Variants in GMPR observed in about 807,000 individuals in gnomAD.
The protein encoded by GMPR is GMP reductase 1.
A neutral mutation model predicts 38.4 loss-of-function variants in GMPR; 31 were observed. The ratio of observed to expected loss-of-function variants is 0.81; its 90% CI spans 0.61 to 1.09. The LOEUF (loss-of-function observed/expected upper bound fraction) is 1.09. Among genes scored for constraint, GMPR ranks in the 50% least tolerant of loss-of-function variants. The pLI, the probability that GMPR is intolerant of heterozygous loss-of-function variation, is 0.00. For missense variants in GMPR, 468 were observed against 453.7 expected, an observed-to-expected ratio of 1.03 and a Z score of -0.29; for synonymous variants, 162 against 173.3, an observed-to-expected ratio of 0.93 and a Z score of 0.51.
chr6:16,240,582 G>A (rs1456209758), intron 1 of GMPR, among the ~76,000 whole-genome samples: 2 of 152,252 alleles, frequency 1.3e-5, no homozygotes, highest in South Asian at 2.1e-4. Flanking sequence ...GTTACAGTGA[G>A]CTATGATGGT....
chr6:16,288,644 G>A (rs1213662486), intron 7 of GMPR, among the ~76,000 whole-genome samples: 3 of 152,372 alleles, frequency 2.0e-5, no homozygotes, highest in African/African-American at 4.8e-5. Flanking sequence ...GAGTGCAGGC[G>A]CAGGGCGTGG....
rs138730193 is a variant in GMPR, at chr6:16,250,064, C to T, written c.208-220C>T. Among the ~76,000 whole-genome samples, 269 of 152,304 alleles carry T rather than the reference C, an allele frequency of 1.8e-3. 5 individuals carry two copies. Among genetic ancestry groups the T allele is most frequent in the Admixed American group, 0.014 (221 of 15,296 alleles). Reference sequence around the variant, plus strand: ...GGCAGAGCCTCCCTAGTCCTGAATGCGGTATTGTCTAACCAGATTAGAATG... The same window carrying T: ...GGCAGAGCCTCCCTAGTCCTGAATGTGGTATTGTCTAACCAGATTAGAATG... On this transcript the variant is annotated intron_variant, in intron 2 of 8. Coordinates refer to ENST00000259727, the MANE Select transcript of GMPR (RefSeq NM_006877.4).
intron 8 of GMPR, among the ~76,000 whole-genome samples, chr6:16,292,715 G>A (rs975473743): frequency 1.3e-5 from 2 of 152,166 alleles, no homozygotes; most frequent in Admixed American, 1.3e-4. Flanking sequence ...GCTTTGCCTG[G>A]AGTACCTTTT....
chr6:16,292,868 G>GA (rs1047745464), intron 8 of GMPR, among the ~76,000 whole-genome samples: 11 of 151,292 alleles, frequency 7.3e-5, no homozygotes, highest in African/African-American at 1.9e-4. Context: ...AGGTATAATA[G>GA]AAAAAAAAAG....
intron 6 of GMPR, among the ~76,000 whole-genome samples, chr6:16,282,682 C>G (rs187890938): frequency 1.3e-5 from 2 of 152,312 alleles, no homozygotes; most frequent in East Asian, 3.9e-4. Context: ...GATTTGAACT[C>G]CTTTCTCTGC....
intron 1 of GMPR, among the ~76,000 whole-genome samples, chr6:16,240,828 T>C (rs981767076): frequency 6.6e-6 from 1 of 152,198 alleles, no homozygotes; most frequent in Non-Finnish European, 1.5e-5. Context: ...CTCTTTTGTA[T>C]TTTTATGTTC....
In GMPR at chr6:16,266,358, ACACT is replaced by A. The variant is rs1236698588; in HGVS notation, c.466-8052_466-8049del. 5.6e-5 allele frequency among the ~76,000 whole-genome samples: 8 copies of A among 142,796 alleles called. No homozygotes were observed. In the East Asian group the frequency reaches 8.6e-4, roughly 15 times the overall value. The allele number at this position is 142,796 out of a possible 152,430, so 93.7% of individuals were successfully genotyped here. A position where few individuals can be genotyped will look rare whatever the true frequency, so the allele number is the denominator to read the frequency against. Reference sequence around the variant, plus strand: ...GGGTGCGCCACCTTTAAGAGCTGTAACACTCACTGTGAAAAAGGTGGCACGTCGG... The same window carrying A: ...GGGTGCGCCACCTTTAAGAGCTGTAACACTGTGAAAAAGGTGGCACGTCGG... On this transcript the variant is annotated intron_variant, in intron 4 of 8. Coordinates refer to ENST00000259727, the MANE Select transcript of GMPR (RefSeq NM_006877.4).
At chr6:16,252,025 G>A (rs532135253) in intron 3 of GMPR, among the ~76,000 whole-genome samples, 7 of 152,238 alleles carry the variant, frequency 4.6e-5, no homozygotes, top group African/African-American at 1.7e-4. Flanking sequence ...TGTTTTCAAG[G>A]TCTCACTGGC....
At chr6:16,281,598 G>A (rs1247587747) in intron 6 of GMPR, among the ~76,000 whole-genome samples, 4 of 151,962 alleles carry the variant, frequency 2.6e-5, no homozygotes, top group Non-Finnish European at 5.9e-5. Flanking sequence ...AATGCCTCCC[G>A]GGTTCAAGCG....
intron 2 of GMPR, among the ~76,000 whole-genome samples, chr6:16,249,405 G>A (rs1758823087): frequency 1.3e-5 from 2 of 152,060 alleles, no homozygotes; most frequent in African/African-American, 4.8e-5. Flanking sequence ...CCTGACCTCA[G>A]GTGATCCACC....
intron 4 of GMPR, among the ~76,000 whole-genome samples, chr6:16,257,331 C>T (rs767790158): frequency 3.3e-5 from 5 of 152,162 alleles, no homozygotes; most frequent in Non-Finnish European, 7.3e-5. Flanking sequence ...CATCTGTATC[C>T]TTCATCATAG....
At chr6:16,264,803 G>A (rs1759158707) in intron 4 of GMPR, among the ~76,000 whole-genome samples, 1 of 152,180 alleles carries the variant, frequency 6.6e-6, no homozygotes, top group Admixed American at 6.5e-5. Flanking sequence ...GTGGTGGAAT[G>A]TCATCAGTTA....
intron 7 of GMPR, chr6:16,290,044 C>T (rs1387787982): frequency 6.3e-6 from 1 of 159,128 alleles, no homozygotes; most frequent in African/African-American, 2.4e-5. Flanking sequence ...GTCTTGAACT[C>T]CTGATCTCAA....
intron 6 of GMPR, among the ~76,000 whole-genome samples, chr6:16,285,305 T>C (rs1759659154): frequency 6.6e-6 from 1 of 152,186 alleles, no homozygotes; most frequent in Non-Finnish European, 1.5e-5. Flanking sequence ...ATAAAAGGAT[T>C]AACTCAATGT....
At chr6:16,288,303 G>C (rs1193515680) in intron 7 of GMPR, among the ~76,000 whole-genome samples, 1 of 152,260 alleles carries the variant, frequency 6.6e-6, no homozygotes, top group Non-Finnish European at 1.5e-5. Flanking sequence ...TTGCGGGCCA[G>C]CTGGAGTTCC....
At chr6:16,281,344 C>T (rs1483610646) in intron 6 of GMPR, among the ~76,000 whole-genome samples, 2 of 152,148 alleles carry the variant, frequency 1.3e-5, no homozygotes, top group Non-Finnish European at 2.9e-5. Context: ...AACCAGGTCT[C>T]ATCTGCTGGT....
chr6:16,290,598 C>A lies in GMPR; in HGVS notation c.834C>A (p.His278Gln), dbSNP rs759597692. ...GMSSDTAMNKHAGGVAEYRAS... is the reference protein window; with the variant it reads ...GMSSDTAMNKQAGGVAEYRAS... ...GCTCTGACACCGCCATGAACAAGCA[C>A]GCAGGAGGAGTTGCTGAGTACAGGT... Residue 278 changes from histidine to glutamine, a missense_variant, in exon 8 of 9, where the codon CAC becomes CAA. By Grantham distance (24) the His-to-Gln change is conservative. Transcript: ENST00000259727. The A allele has an allele frequency of 1.2e-6, 2 of 1,614,112 alleles. No individual in the cohort carries two copies. Among genetic ancestry groups the A allele is most frequent in the South Asian group, 1.1e-5 (1 of 91,082 alleles).
At chr6:16,240,290 T>C (rs1480922712) in intron 1 of GMPR, among the ~76,000 whole-genome samples, 1 of 152,166 alleles carries the variant, frequency 6.6e-6, no homozygotes, top group African/African-American at 2.4e-5. Flanking sequence ...ATCCCAGCAC[T>C]TTAGGAACCT....
intron 6 of GMPR, among the ~76,000 whole-genome samples, chr6:16,279,123 G>C (rs1734867011): frequency 6.6e-6 from 1 of 152,242 alleles, no homozygotes; most frequent in Non-Finnish European, 1.5e-5. Context: ...TCTGATGAGG[G>C]ATGTGCAGGC....
Sources: gnomAD v4.1 joint callset for allele counts (sites outside exome capture counted in the v4.1 genomes callset) on GRCh38, gnomAD v4.1.1 for gene constraint, MANE v1.5 for transcripts, NCBI Gene and HGNC (gene_info 2026-07-23, HGNC 2026-07-21) for gene names.